FBXO36: variants seen among roughly 807,000 people sequenced by gnomAD.
The protein encoded by FBXO36 is F-box protein 36.
In FBXO36, 18 loss-of-function variants were observed where a neutral mutation model predicts 17.0. The observed-to-expected ratio is 1.06, with a 90% confidence interval of 0.73 to 1.57. The LOEUF is 1.57. Among genes scored for constraint, FBXO36 ranks in the 40% most tolerant of loss-of-function variants. FBXO36 has a pLI of 0.00. For missense variants in FBXO36, 229 were observed against 221.9 expected (o/e 1.03, Z -0.20); for synonymous variants, 83 against 85.3 (o/e 0.97, Z 0.15).
At chr2:230,003,055 T>C (rs781181991) in intron 3 of FBXO36, among the ~76,000 whole-genome samples, 2 of 151,518 alleles carry the variant, frequency 1.3e-5, no homozygotes, top group Non-Finnish European at 2.9e-5. Context: ...CTACCAAAAA[T>C]ACAAAAAATT....
intron 1 of FBXO36, chr2:229,937,850 A>G (rs2076972625): frequency 6.6e-6 from 1 of 151,932 alleles, no homozygotes; most frequent in African/African-American, 2.4e-5. Flanking sequence ...GTATCGTTTC[A>G]ATTTTTAGTA....
At chr2:229,941,394 G>T (rs1319329293) in intron 1 of FBXO36, among the ~76,000 whole-genome samples, 1 of 152,118 alleles carries the variant, frequency 6.6e-6, no homozygotes, top group Non-Finnish European at 1.5e-5. Context: ...GGCAGAAGCT[G>T]CAGTGAGCCA....
chr2:230,003,072 G>T (rs1018079435), intron 3 of FBXO36, among the ~76,000 whole-genome samples: 1 of 151,890 alleles, frequency 6.6e-6, no homozygotes, highest in Non-Finnish European at 1.5e-5. Context: ...AATTAGCCAG[G>T]TGTGGTGGCA....
Position 230,012,677 on chromosome 2 carries a change from C to T in FBXO36, c.*1793C>T, listed in dbSNP as rs2077421847. On this transcript the variant is annotated 3_prime_UTR_variant, in exon 4 of 4. Coordinates refer to ENST00000283946, the MANE Select transcript of FBXO36 (RefSeq NM_174899.5). The stretch of plus-strand genomic sequence containing the variant: ...TCTCCCTGAGCTCCCAGACTTCACT[C>T]ATGGCCTAATTTTCAATGACAGAAC... 1 of 151,864 alleles carries T rather than the reference C, an allele frequency of 6.6e-6. No homozygotes were observed. The highest frequency in any genetic ancestry group is 2.1e-4 in the South Asian group (1 of 4,834). The allele number at this position is 151,864 out of a possible 1,614,324, so 9.4% of individuals were successfully genotyped here.
chr2:229,944,768 T>A (rs1351523711), intron 1 of FBXO36, among the ~76,000 whole-genome samples: 1 of 151,944 alleles, frequency 6.6e-6, no homozygotes, highest in Non-Finnish European at 1.5e-5. Flanking sequence ...AATTTTTTTG[T>A]ATTTTTAGTA....
intron 2 of FBXO36, among the ~76,000 whole-genome samples, chr2:229,994,851 A>G (rs574479171): frequency 6.0e-4 from 91 of 151,480 alleles, no homozygotes; most frequent in Non-Finnish European, 9.7e-4. Flanking sequence ...CATGGTGGCT[A>G]ATGCCTGTAA....
In FBXO36 at chr2:229,986,077, A is replaced by G. The variant is rs1577355921; in HGVS notation, c.205+9728A>G. 2.0e-5 allele frequency among the ~76,000 whole-genome samples: 3 copies of G among 152,272 alleles called. No homozygotes were observed. The East Asian group carries it at 5.8e-4, about 29-fold the overall frequency. ...AAATAAATAAATACAATAAAAATGAAAAGTTTTAGCATGAAAATAAGTCTC... is the reference window on the plus strand; with the variant it reads ...AAATAAATAAATACAATAAAAATGAGAAGTTTTAGCATGAAAATAAGTCTC... On this transcript the variant is annotated intron_variant, in intron 2 of 3. Transcript: ENST00000283946.
At chr2:230,008,656 T>A (rs1011481384) in intron 3 of FBXO36, among the ~76,000 whole-genome samples, 1 of 152,236 alleles carries the variant, frequency 6.6e-6, no homozygotes, top group Non-Finnish European at 1.5e-5. Flanking sequence ...ACAAGACACA[T>A]TGATATCCTG....
intron 2 of FBXO36, among the ~76,000 whole-genome samples, chr2:229,993,499 G>A (rs1418697369): frequency 1.3e-5 from 2 of 152,232 alleles, no homozygotes; most frequent in Non-Finnish European, 1.5e-5. Context: ...GGAAATATGC[G>A]GGGGTGTAAG....
At chr2:230,003,878 G>A (rs966498695) in intron 3 of FBXO36, among the ~76,000 whole-genome samples, 1 of 152,160 alleles carries the variant, frequency 6.6e-6, no homozygotes, top group Non-Finnish European at 1.5e-5. Flanking sequence ...GGACTCTGGT[G>A]GGTTTTCTCC....
At chr2:229,997,042 C>A in intron 3 of FBXO36, 119 bp downstream of exon 3, 1 of 866,334 alleles carries the variant, frequency 1.2e-6, no homozygotes, top group Non-Finnish European at 1.8e-6. Context: ...CTTAGGTGCA[C>A]AAGCAGCAGA....
chr2:229,943,787 G>A (rs1560434764), intron 1 of FBXO36, among the ~76,000 whole-genome samples: 1 of 152,174 alleles, frequency 6.6e-6, no homozygotes, highest in African/African-American at 2.4e-5. Context: ...CAGAGTAGCA[G>A]TGTCTGTTTG....
intron 1 of FBXO36, among the ~76,000 whole-genome samples, chr2:229,934,716 G>A (rs1410192852): frequency 4.6e-5 from 7 of 152,250 alleles, no homozygotes; most frequent in Admixed American, 6.5e-5. Flanking sequence ...GTGCAATGGC[G>A]TGATCTTGGC....
At chr2:229,922,905 G>A (rs2076803679) in intron 1 of FBXO36, among the ~76,000 whole-genome samples, 1 of 152,226 alleles carries the variant, frequency 6.6e-6, no homozygotes, top group Non-Finnish European at 1.5e-5. Context: ...TCCGCGCGAA[G>A]AGGAAAACGG....
chr2:230,006,754 G>A (rs751620056), intron 3 of FBXO36, among the ~76,000 whole-genome samples: 7 of 152,084 alleles, frequency 4.6e-5, no homozygotes, highest in Non-Finnish European at 7.4e-5. Flanking sequence ...TTAAGAGTGC[G>A]GTGTGCAGGG....
At chr2:229,967,682 A>G (rs2077160485) in intron 1 of FBXO36, among the ~76,000 whole-genome samples, 1 of 152,162 alleles carries the variant, frequency 6.6e-6, no homozygotes, top group South Asian at 2.1e-4. Flanking sequence ...GATTATATTT[A>G]TTGATTTGCA....
intron 1 of FBXO36, among the ~76,000 whole-genome samples, chr2:229,941,685 T>C (rs1006575497): frequency 6.6e-6 from 1 of 152,006 alleles, no homozygotes; most frequent in Non-Finnish European, 1.5e-5. Flanking sequence ...AGGCTGCAAG[T>C]TGCCTCTCCA....
chr2:229,967,408 C>T (rs1393497819), intron 1 of FBXO36, among the ~76,000 whole-genome samples: 1 of 152,178 alleles, frequency 6.6e-6, no homozygotes, highest in Non-Finnish European at 1.5e-5. Context: ...GAACTTCCAA[C>T]ACCATGTTGA....
At chr2:229,941,366 A>G (rs536707) in intron 1 of FBXO36, among the ~76,000 whole-genome samples, 70,414 of 151,880 alleles carry the variant, frequency 0.46, 17,286 homozygotes, top group East Asian at 0.68. Flanking sequence ...GAGGCAGGAG[A>G]ATTGCTTGAA....
Sources: gnomAD v4.1 joint callset for allele counts (sites outside exome capture counted in the v4.1 genomes callset) on GRCh38, gnomAD v4.1.1 for gene constraint, MANE v1.5 for transcripts, NCBI Gene and HGNC (gene_info 2026-07-23, HGNC 2026-07-21) for gene names.